CEP70: variants seen among roughly 807,000 people sequenced by gnomAD.
The protein encoded by CEP70 is centrosomal protein of 70 kDa.
In CEP70, 70 loss-of-function variants were observed where a neutral mutation model predicts 90.9. The observed-to-expected ratio is 0.77, with a 90% CI of 0.64 to 0.94. The LOEUF is 0.94. Ranked by LOEUF, CEP70 falls within the 40% of genes least tolerant of loss-of-function variation. The pLI is 0.00. For missense variants in CEP70, 648 were observed against 669.0 expected, an observed-to-expected ratio of 0.97 and a Z score of 0.35; for synonymous variants, 220 against 228.3, an observed-to-expected ratio of 0.96 and a Z score of 0.33.
chr3:138,544,562 C>T (rs1045589758), intron 6 of CEP70, among the ~76,000 whole-genome samples: 1 of 151,460 alleles, frequency 6.6e-6, no homozygotes, highest in African/African-American at 2.4e-5. Context: ...TATATATATA[C>T]ACACATATTA....
At chr3:138,575,852 A>C (rs1420529945) in intron 2 of CEP70, among the ~76,000 whole-genome samples, 1 of 152,228 alleles carries the variant, frequency 6.6e-6, no homozygotes, top group Non-Finnish European at 1.5e-5. Flanking sequence ...AGCCAAACTA[A>C]GCTTCATAAA....
intron 2 of CEP70, among the ~76,000 whole-genome samples, chr3:138,586,980 A>G (rs2042133897): frequency 6.6e-6 from 1 of 152,132 alleles, no homozygotes; most frequent in Non-Finnish European, 1.5e-5. Flanking sequence ...AAATTAAAAA[A>G]ATTTTAAATT....
chr3:138,573,273 A>G (rs1307252953), intron 2 of CEP70, among the ~76,000 whole-genome samples: 1 of 152,152 alleles, frequency 6.6e-6, no homozygotes, highest in Non-Finnish European at 1.5e-5. Context: ...GAAAGAATGG[A>G]GTAGAAGGAG....
chr3:138,560,257 G>A (rs1455066937), intron 6 of CEP70, among the ~76,000 whole-genome samples: 4 of 152,266 alleles, frequency 2.6e-5, no homozygotes, highest in Admixed American at 2.0e-4. Context: ...GAAACACAAG[G>A]GGTTAGAGAA....
At chr3:138,545,225 A>G (rs1349787232) in intron 6 of CEP70, among the ~76,000 whole-genome samples, 1 of 152,202 alleles carries the variant, frequency 6.6e-6, no homozygotes, top group Non-Finnish European at 1.5e-5. Context: ...AACTGGACCC[A>G]GGGCAGAGGA....
At chr3:138,523,827 C>T (rs1439851024) in intron 11 of CEP70, among the ~76,000 whole-genome samples, 1 of 152,026 alleles carries the variant, frequency 6.6e-6, no homozygotes, top group Non-Finnish European at 1.5e-5. Flanking sequence ...TCAATGCCAT[C>T]CCCATCAAGC....
intron 17 of CEP70, chr3:138,496,865 AG>A: frequency 2.0e-5 from 20 of 985,508 alleles, no homozygotes; most frequent in Non-Finnish European, 2.4e-5. Context: ...AATATCTGAA[AG>A]GAAGTTTCTA....
chr3:138,587,150 G>C lies in CEP70; in HGVS notation c.-6+4704C>G, dbSNP rs925037835. Reference sequence around the variant, plus strand: ...ACAACATAATTAGAAATAAAACTTGGAAATGAGCTGATAGAATCTAGAAAT... The same window carrying C: ...ACAACATAATTAGAAATAAAACTTGCAAATGAGCTGATAGAATCTAGAAAT... On this transcript the variant is annotated intron_variant, in intron 2 of 17. Coordinates refer to ENST00000264982, the MANE Select transcript of CEP70 (RefSeq NM_024491.4). Among the ~76,000 whole-genome samples the C allele has an allele frequency of 2.6e-5, 4 of 151,952 alleles. No individual in the cohort carries two copies. The South Asian group carries it at 8.3e-4, about 32-fold the overall frequency.
chr3:138,589,482 G>C (rs548831671), intron 2 of CEP70, among the ~76,000 whole-genome samples: 90 of 147,922 alleles, frequency 6.1e-4, no homozygotes, highest in Non-Finnish European at 1.0e-3. Flanking sequence ...GCAAAACCCT[G>C]TCTCTCAAGA....
chr3:138,579,782 C>G (rs1412329346), intron 2 of CEP70, among the ~76,000 whole-genome samples: 1 of 151,924 alleles, frequency 6.6e-6, no homozygotes, highest in Admixed American at 6.6e-5. Flanking sequence ...TGTGATCCAG[C>G]ACATTCACAG....
chr3:138,535,144 C>T (rs2038154941), intron 7 of CEP70, among the ~76,000 whole-genome samples: 1 of 152,144 alleles, frequency 6.6e-6, no homozygotes, highest in South Asian at 2.1e-4. Flanking sequence ...AAGACTCTTC[C>T]CAGAATCTCA....
chr3:138,566,439 T>C (rs549256874), intron 6 of CEP70, among the ~76,000 whole-genome samples: 7 of 152,180 alleles, frequency 4.6e-5, no homozygotes, highest in Non-Finnish European at 8.8e-5. Flanking sequence ...TGCCCATCAA[T>C]GATAGACTGG....
chr3:138,524,337 AC>A (rs2036988500), intron 11 of CEP70, among the ~76,000 whole-genome samples: 1 of 152,006 alleles, frequency 6.6e-6, no homozygotes, highest in African/African-American at 2.4e-5. Context: ...TGTCTAAAAC[AC>A]CAAAAGCAAT....
intron 11 of CEP70, among the ~76,000 whole-genome samples, 159 bp downstream of exon 11, chr3:138,525,331 G>C (rs1473389124): frequency 6.6e-6 from 1 of 151,992 alleles, no homozygotes; most frequent in Non-Finnish European, 1.5e-5. Context: ...GAGTTACTGG[G>C]TGTAGCACAC....
intron 6 of CEP70, among the ~76,000 whole-genome samples, chr3:138,546,584 A>C (rs995416143): frequency 2.2e-4 from 34 of 152,104 alleles, no homozygotes; most frequent in Admixed American, 2.2e-3. Context: ...CCCCGTCTCT[A>C]CTGAAAATAC....
chr3:138,588,019 G>T (rs1326725829), intron 2 of CEP70, among the ~76,000 whole-genome samples: 2 of 150,380 alleles, frequency 1.3e-5, no homozygotes, highest in Non-Finnish European at 3.0e-5. Flanking sequence ...TTCAATAAAT[G>T]ATGCTAGAAC....
chr3:138,553,797 T>G (rs888958653), intron 6 of CEP70, among the ~76,000 whole-genome samples: 1 of 152,200 alleles, frequency 6.6e-6, no homozygotes, highest in Non-Finnish European at 1.5e-5. Context: ...ATACCAGGTA[T>G]GCAGGGATAG....
intron 2 of CEP70, among the ~76,000 whole-genome samples, chr3:138,586,141 T>G (rs1159759019): frequency 6.6e-6 from 1 of 152,088 alleles, no homozygotes; most frequent in East Asian, 1.9e-4. Flanking sequence ...CGAGGGTTAA[T>G]AGCCAGGATG....
rs751569983 is a variant in CEP70, at chr3:138,570,452, G to T, written c.331C>A (p.Arg111=). Reference sequence around the variant, plus strand: ...ATAATTTGTTCCAAGTCATTAGCTCGTTGTTCTTGATTGGCTGCTCGGCTT... The same window carrying T: ...ATAATTTGTTCCAAGTCATTAGCTCTTTGTTCTTGATTGGCTGCTCGGCTT... ...EQSRAANQEQ[R]ANDLEQIMES... The change falls in exon 6 of 18, where the codon CGA becomes AGA. Residue 111 remains arginine (R), a synonymous_variant. Coordinates refer to ENST00000264982, the MANE Select transcript of CEP70 (RefSeq NM_024491.4). 1 of 1,608,636 alleles carries T rather than the reference G, an allele frequency of 6.2e-7. No individual in the cohort carries two copies. Among genetic ancestry groups the T allele is most frequent in the South Asian group, 1.1e-5 (1 of 89,768 alleles).
Sources: allele counts gnomAD v4.1 joint callset (sites outside exome capture counted in the v4.1 genomes callset), GRCh38; gene constraint gnomAD v4.1.1; transcripts MANE v1.5; gene names NCBI Gene and HGNC (gene_info 2026-07-23, HGNC 2026-07-21).